Variants in AK8 observed in about 807,000 individuals in gnomAD.
AK8 encodes the protein ATP-AMP transphosphorylase 8.
Under a neutral mutation model 54.6 loss-of-function variants are expected in AK8, and 44 were observed. That is an observed-to-expected ratio of 0.81 (90% confidence interval 0.63 to 1.04). The LOEUF (loss-of-function observed/expected upper bound fraction) is 1.04, where lower values mean the gene tolerates loss of function less well. Among genes scored for constraint, AK8 ranks in the 50% least tolerant of loss-of-function variants. The pLI is 0.00. For synonymous variants in AK8, 239 were observed against 245.6 expected (o/e 0.97, Z 0.25); for missense variants, 555 against 613.6 (o/e 0.90, Z 1.01).
chr9:132,823,476 G>T, intron 8 of AK8, 140 bp from the exon 9 acceptor site: 1 of 1,230,528 alleles, frequency 8.1e-7, no homozygotes, highest in Non-Finnish European at 1.1e-6. Context: ...CTGTGCATCT[G>T]GCGAAGAGGC....
intron 1 of AK8, among the ~76,000 whole-genome samples, chr9:132,875,656 G>A (rs1413729077): frequency 1.3e-5 from 2 of 152,200 alleles, no homozygotes; most frequent in Non-Finnish European, 2.9e-5. Context: ...TGTGCACTAC[G>A]TAAATATGTC....
At chr9:132,878,311 G>A, upstream of AK8, 5 of 1,322,774 alleles carry the variant, frequency 3.8e-6, no homozygotes, top group Non-Finnish European at 3.9e-6. The surrounding 1 kb of genome is among the most constrained non-coding windows in gnomAD (Gnocchi z 4.7). Flanking sequence ...CCGCCGCGCC[G>A]ACTGCGTCAT....
chr9:132,852,070 C>T (rs1475245961), intron 5 of AK8, among the ~76,000 whole-genome samples: 3 of 151,962 alleles, frequency 2.0e-5, no homozygotes, highest in African/African-American at 7.3e-5. Flanking sequence ...AGAACCGATG[C>T]GATAAAAAAC....
At chr9:132,752,397 C>A (rs1376173328) in intron 11 of AK8, among the ~76,000 whole-genome samples, 8 of 151,728 alleles carry the variant, frequency 5.3e-5, no homozygotes, top group South Asian at 2.1e-4. Flanking sequence ...CTATAGGCGC[C>A]CGCCACCACG....
At chr9:132,840,406 TCACACACACACACA>T (rs55856402) in intron 5 of AK8, among the ~76,000 whole-genome samples, 14 of 143,136 alleles carry the variant, frequency 9.8e-5, no homozygotes, top group African/African-American at 3.1e-4. Context: ...AAGTGGACAC[TCACACACACACACA>T]CACACACACA....
At chr9:132,730,749 G>A (rs1836804908) in intron 11 of AK8, among the ~76,000 whole-genome samples, 1 of 152,186 alleles carries the variant, frequency 6.6e-6, no homozygotes, top group South Asian at 2.1e-4. Flanking sequence ...GATACAAACT[G>A]CTGACTACAT....
At chr9:132,774,263 G>C (rs1017276258) in intron 11 of AK8, among the ~76,000 whole-genome samples, 8 of 152,228 alleles carry the variant, frequency 5.3e-5, no homozygotes, top group Non-Finnish European at 1.0e-4. Context: ...CCTGCTCATG[G>C]GGGGGTTGGG....
At position 132,826,137 on chromosome 9, in the gene AK8, C is replaced by T. The variant is rs965227062; in HGVS notation, c.757+717G>A. The stretch of plus-strand genomic sequence containing the variant: ...CTGTGGACACGTGATTTGGAGAATC[C>T]CATTTAATCCTCACCTACGCCTGGG... On this transcript the variant is annotated intron_variant, in intron 8 of 12. Coordinates refer to ENST00000298545, the MANE Select transcript of AK8 (RefSeq NM_152572.3). This position sits in a 1 kb window ranked among gnomAD's most constrained non-coding sequence, Gnocchi z 4.5. 2.0e-5 allele frequency among the ~76,000 whole-genome samples: 3 copies of T among 152,060 alleles called. No individual in the cohort carries two copies. The highest frequency in any genetic ancestry group is 7.2e-5 in the African/African-American group (3 of 41,386).
intron 5 of AK8, among the ~76,000 whole-genome samples, chr9:132,848,787 G>T (rs214634): frequency 0.22 from 32,844 of 151,998 alleles, 3,791 homozygotes; most frequent in East Asian, 0.41. Context: ...CCTGCAGGGG[G>T]CACTCAACTG....
chr9:132,764,253 T>A (rs1838620022), intron 11 of AK8, among the ~76,000 whole-genome samples: 1 of 152,150 alleles, frequency 6.6e-6, no homozygotes, highest in South Asian at 2.1e-4. Flanking sequence ...GACGTTGCAG[T>A]GAGCTGAGAT....
chr9:132,863,295 C>A (rs1843460533), intron 4 of AK8, among the ~76,000 whole-genome samples: 1 of 152,264 alleles, frequency 6.6e-6, no homozygotes, highest in Admixed American at 6.5e-5. Context: ...CGCAGCCCAA[C>A]CCTGCATCTC....
At chr9:132,807,649 A>G (rs1019581575) in intron 10 of AK8, among the ~76,000 whole-genome samples, 1 of 152,182 alleles carries the variant, frequency 6.6e-6, no homozygotes, top group Non-Finnish European at 1.5e-5. Context: ...CAGTCCCTGG[A>G]CCCTAATTTA....
intron 11 of AK8, among the ~76,000 whole-genome samples, chr9:132,763,726 G>A (rs1407064287): frequency 2.0e-5 from 3 of 152,210 alleles, no homozygotes; most frequent in African/African-American, 7.2e-5. Context: ...GGCAGCGCTG[G>A]TGTCATTCTG....
chr9:132,839,244 G>C (rs1842441861), intron 5 of AK8, among the ~76,000 whole-genome samples: 1 of 152,102 alleles, frequency 6.6e-6, no homozygotes, highest in African/African-American at 2.4e-5. Flanking sequence ...ACGCCCAGCT[G>C]ATGTGTACCC....
chr9:132,869,794 G>A (rs934040874), intron 2 of AK8, among the ~76,000 whole-genome samples: 1 of 152,348 alleles, frequency 6.6e-6, no homozygotes, highest in South Asian at 2.1e-4. Flanking sequence ...AGTGCCATGG[G>A]AGGTTTGTGG....
At chr9:132,763,230 A>G (rs965792194) in intron 11 of AK8, among the ~76,000 whole-genome samples, 1 of 152,224 alleles carries the variant, frequency 6.6e-6, no homozygotes, top group Admixed American at 6.5e-5. Flanking sequence ...AACAAATTTT[A>G]AAGAATTGAT....
At chr9:132,848,361 G>A (rs1842840457) in intron 5 of AK8, among the ~76,000 whole-genome samples, 1 of 152,124 alleles carries the variant, frequency 6.6e-6, no homozygotes, top group African/African-American at 2.4e-5. Flanking sequence ...GCACTTCCTA[G>A]GTAAAAGAGG....
At chr9:132,841,586 A>C (rs1422604114) in intron 5 of AK8, among the ~76,000 whole-genome samples, 3 of 152,234 alleles carry the variant, frequency 2.0e-5, no homozygotes, top group African/African-American at 2.4e-5. Context: ...CCTGCCAGTC[A>C]GGTAGCCAGG....
chr9:132,800,803 T>C (rs2519083), intron 10 of AK8, among the ~76,000 whole-genome samples: 136,706 of 152,210 alleles, frequency 0.9, 61,586 homozygotes, highest in African/African-American at 0.97. Flanking sequence ...TCTGTCACTC[T>C]CTTCTTTACC....
Sources: gnomAD v4.1 joint callset for allele counts (sites outside exome capture counted in the v4.1 genomes callset) on GRCh38, gnomAD v4.1.1 for gene constraint, Gnocchi (gnomAD v3.1) non-coding constraint, MANE v1.5 for transcripts, NCBI Gene and HGNC (gene_info 2026-07-23, HGNC 2026-07-21) for gene names.